UBE2H: variants seen among roughly 807,000 people sequenced by gnomAD.
The protein encoded by UBE2H is ubiquitin-conjugating enzyme E2 H.
UBE2H carries 3 observed loss-of-function variants against 29.0 expected under a neutral mutation model. That is an observed-to-expected ratio of 0.10 (90% CI 0.05 to 0.27). UBE2H has a LOEUF of 0.27. UBE2H is among the 10% of genes least tolerant of loss of function. The probability of loss-of-function intolerance (pLI) is 1.00; values close to 1 mark genes in which losing one functional copy is unlikely to be tolerated. For synonymous variants in UBE2H, 69 were observed against 82.9 expected (o/e 0.83, Z 0.91); for missense variants, 68 against 228.2 (o/e 0.30, Z 4.52).
intron 1 of UBE2H, among the ~76,000 whole-genome samples, chr7:129,910,997 T>C (rs1371686135): frequency 6.6e-6 from 1 of 151,812 alleles, no homozygotes; most frequent in East Asian, 1.9e-4. Context: ...TCTCCAACAG[T>C]CCAGGTAAGG....
intron 5 of UBE2H, among the ~76,000 whole-genome samples, chr7:129,845,093 G>A (rs1453985504): frequency 1.3e-5 from 2 of 152,188 alleles, no homozygotes; most frequent in East Asian, 1.9e-4. Flanking sequence ...TTGTACCACT[G>A]CACTCCAGCC....
intron 1 of UBE2H, among the ~76,000 whole-genome samples, chr7:129,888,595 C>T (rs1806411435): frequency 6.6e-6 from 1 of 152,202 alleles, no homozygotes. Context: ...CTGCCTCGGC[C>T]TCCCGAGTAG....
chr7:129,887,260 C>G (rs1806382788), intron 1 of UBE2H, among the ~76,000 whole-genome samples: 1 of 146,362 alleles, frequency 6.8e-6, no homozygotes, highest in Admixed American at 7.0e-5. Context: ...CTTGCTCTGC[C>G]ACCCAGGCTG....
intron 3 of UBE2H, among the ~76,000 whole-genome samples, chr7:129,875,924 G>A (rs923784781): frequency 2.0e-5 from 3 of 152,178 alleles, no homozygotes; most frequent in Admixed American, 6.5e-5. Context: ...TTCTGAATGA[G>A]TATCTCTAAA....
At chr7:129,904,990 G>GT (rs1806786754) in intron 1 of UBE2H, among the ~76,000 whole-genome samples, 1 of 151,922 alleles carries the variant, frequency 6.6e-6, no homozygotes, top group African/African-American at 2.4e-5. Context: ...CTACAGTGAA[G>GT]TTTTTTCCAA....
intron 1 of UBE2H, among the ~76,000 whole-genome samples, chr7:129,938,413 CAAAAAAAAAAAA>C (rs34454670): frequency 9.2e-4 from 35 of 38,044 alleles, no homozygotes; most frequent in Admixed American, 2.4e-3. Flanking sequence ...CTGCCTCATT[CAAAAAAAAAAAA>C]AAAAAAAAAA....
chr7:129,919,631 G>C (rs1187084447), intron 1 of UBE2H, among the ~76,000 whole-genome samples: 1 of 152,142 alleles, frequency 6.6e-6, no homozygotes, highest in Non-Finnish European at 1.5e-5. Context: ...TTCATCTCTT[G>C]GAACAGCCCC....
rs1471421773 is a variant in UBE2H, at chr7:129,834,613, C to T, written c.*324G>A. The T allele has an allele frequency of 5.7e-6, 1 of 175,564 alleles. No homozygotes were observed. The highest frequency in any genetic ancestry group is 1.2e-5 in the Non-Finnish European group (1 of 83,838). The allele number at this position is 175,564 out of a possible 1,614,324, so 10.9% of individuals were successfully genotyped here. A position where few individuals can be genotyped will look rare whatever the true frequency, so the allele number is the denominator to read the frequency against. ...GCAATTTTTTCCTGTTCTTTTTACT[C>T]ACATCTACCTATCAGAGCGGCTATT... is the stretch of plus-strand genomic sequence containing the variant. On this transcript the variant is annotated 3_prime_UTR_variant, in exon 7 of 7. Coordinates refer to ENST00000355621, the MANE Select transcript of UBE2H (RefSeq NM_003344.4).
chr7:129,840,888 T>C (rs1224423287), intron 5 of UBE2H, among the ~76,000 whole-genome samples: 3 of 152,236 alleles, frequency 2.0e-5, no homozygotes, highest in Non-Finnish European at 2.9e-5. Flanking sequence ...CAAGCCACAT[T>C]GCTTGAGATT....
In UBE2H at chr7:129,951,591, C is replaced by T. The variant is rs559653347; in HGVS notation, c.53+912G>A. Among the ~76,000 whole-genome samples, 3 of 152,316 alleles carry T rather than the reference C, an allele frequency of 2.0e-5. No individual in the cohort carries two copies. The East Asian group carries it at 5.8e-4, about 29-fold the overall frequency. On this transcript the variant is annotated intron_variant, in intron 1 of 6. Coordinates refer to ENST00000355621, the MANE Select transcript of UBE2H (RefSeq NM_003344.4). ...CCAACCAAAACCACTGCCTGAAGGGCTCTTATCAGTTATAGCTTTCCCACT... is the reference window on the plus strand; with the variant it reads ...CCAACCAAAACCACTGCCTGAAGGGTTCTTATCAGTTATAGCTTTCCCACT...
chr7:129,839,452 T>C, intron 5 of UBE2H, 117 bp from the exon 6 acceptor site: 2 of 1,398,904 alleles, frequency 1.4e-6, no homozygotes, highest in South Asian at 1.3e-5. Flanking sequence ...TGATTCTCCA[T>C]ACGAGTGTGC....
chr7:129,950,022 G>A (rs1050708352), intron 1 of UBE2H, among the ~76,000 whole-genome samples: 6 of 152,080 alleles, frequency 3.9e-5, no homozygotes, highest in Non-Finnish European at 7.4e-5. Flanking sequence ...GAGGGCTGGG[G>A]AATTTTTCCT....
intron 3 of UBE2H, among the ~76,000 whole-genome samples, chr7:129,864,547 CT>C (rs1805861859): frequency 1.4e-5 from 1 of 70,768 alleles, no homozygotes; most frequent in South Asian, 6.2e-4. Context: ...TTTTCTTTTT[CT>C]TTTCTTTCTT....
chr7:129,947,234 C>A (rs1383993666), intron 1 of UBE2H, among the ~76,000 whole-genome samples: 1 of 152,180 alleles, frequency 6.6e-6, no homozygotes, highest in African/African-American at 2.4e-5. Context: ...TCCTGCCTAA[C>A]CAAAATAAGT....
intron 4 of UBE2H, 38 bp from the exon 5 acceptor site, chr7:129,857,601 T>G (rs755595547): frequency 6.9e-6 from 11 of 1,599,540 alleles, no homozygotes; most frequent in Non-Finnish European, 4.3e-6. Flanking sequence ...TTTTAAAAAT[T>G]AGAAAGTTAG....
intron 1 of UBE2H, among the ~76,000 whole-genome samples, chr7:129,909,553 C>A (rs1285432222): frequency 6.6e-6 from 1 of 152,074 alleles, no homozygotes; most frequent in African/African-American, 2.4e-5. Flanking sequence ...GAAATAAGAA[C>A]CCTTCAAAAA....
intron 1 of UBE2H, among the ~76,000 whole-genome samples, chr7:129,889,629 G>C (rs780469452): frequency 2.0e-5 from 3 of 152,074 alleles, no homozygotes; most frequent in African/African-American, 7.2e-5. Context: ...TGCAAGCTCC[G>C]TAAGAGCAGG....
intron 1 of UBE2H, among the ~76,000 whole-genome samples, chr7:129,934,638 TAAA>T (rs758214225): frequency 3.0e-5 from 2 of 65,836 alleles, no homozygotes; most frequent in Admixed American, 2.0e-4. Flanking sequence ...ACTCCGTCTT[TAAA>T]AAAAAAAAAA....
chr7:129,945,400 T>C (rs1807742041), intron 1 of UBE2H, among the ~76,000 whole-genome samples: 1 of 152,180 alleles, frequency 6.6e-6, no homozygotes, highest in African/African-American at 2.4e-5. Flanking sequence ...TATGCCTAAA[T>C]TGAGGATCAC....
Sources: gnomAD v4.1 joint callset for allele counts (sites outside exome capture counted in the v4.1 genomes callset) on GRCh38, gnomAD v4.1.1 for gene constraint, MANE v1.5 for transcripts, NCBI Gene and HGNC (gene_info 2026-07-23, HGNC 2026-07-21) for gene names.